Variants in MYH9 observed in about 807,000 individuals in gnomAD.
MYH9 encodes the protein myosin heavy chain 9.
MYH9 carries 29 observed loss-of-function variants against 241.9 expected under a neutral mutation model. The observed-to-expected ratio is 0.12, with a 90% CI of 0.09 to 0.16. The LOEUF is 0.16. MYH9 is among the 10% of genes least tolerant of loss of function. MYH9 has a pLI of 1.00. For synonymous variants in MYH9, 1,047 were observed against 1,062.6 expected (o/e 0.99, Z 0.29); for missense variants, 1,803 against 2,595.5 (o/e 0.69, Z 6.63).
chr22:36,313,669 G>T (rs983098579), intron 13 of MYH9, among the ~76,000 whole-genome samples: 2 of 39,256 alleles, frequency 5.1e-5, no homozygotes, highest in Non-Finnish European at 1.4e-4. Context: ...TGGTTTTATG[G>T]GGGGGATGAG....
intron 11 of MYH9, among the ~76,000 whole-genome samples, chr22:36,317,053 A>G (rs5995280): frequency 0.1 from 7,430 of 70,936 alleles, 583 homozygotes; most frequent in African/African-American, 0.26. Flanking sequence ...AAACGCGCCC[A>G]ATCTCATCAA....
chr22:36,286,069 C>T, intron 35 of MYH9, 116 bp from the exon 36 acceptor site: 1 of 1,109,656 alleles, frequency 9.0e-7, no homozygotes, highest in Admixed American at 1.9e-5. Context: ...CCCCACGAAG[C>T]CCTTCCTCCA....
At chr22:36,370,039 C>A (rs2018066632) in intron 1 of MYH9, among the ~76,000 whole-genome samples, 1 of 152,206 alleles carries the variant, frequency 6.6e-6, no homozygotes, top group African/African-American at 2.4e-5. Flanking sequence ...TCACCTGGCA[C>A]TGTGCCAGAT....
At chr22:36,314,085 G>A (rs1158012784) in intron 13 of MYH9, 60 bp downstream of exon 13, 5 of 1,561,752 alleles carry the variant, frequency 3.2e-6, no homozygotes, top group Non-Finnish European at 4.4e-6. Flanking sequence ...GTGAGGAGCG[G>A]GTGCCCCGGA....
At position 36,294,153 on chromosome 22, in the gene MYH9, A is replaced by G; in HGVS notation, c.3776T>C (p.Val1259Ala). The G allele has an allele frequency of 6.2e-7, 1 of 1,613,002 alleles. No individual in the cohort carries two copies. The highest frequency in any genetic ancestry group is 8.5e-7 in the Non-Finnish European group (1 of 1,180,004). Reference protein sequence around the residue: ...KVEAQLQELQVKFNEGERVRT... With the variant: ...KVEAQLQELQAKFNEGERVRT... ...CACGCGCTCTCCCTCGTTGAACTTG[A>G]CCTGCAGCTCCTGCAGCTGCGCCTC... The change falls in exon 28 of 41, where the codon GTC (valine) becomes GCC (alanine). Residue 1259 changes from valine to alanine, a missense_variant. Physicochemically the swap from Val to Ala is moderately conservative, Grantham distance 64. Around this residue, in one of 11 missense-constraint regions of MYH9, gnomAD observed 876 missense variants for 1,077.8 expected, o/e 0.81. Coordinates refer to ENST00000216181, the MANE Select transcript of MYH9 (RefSeq NM_002473.6).
intron 5 of MYH9, chr22:36,325,142 C>T (rs749021434): frequency 9.2e-6 from 7 of 759,956 alleles, no homozygotes; most frequent in South Asian, 4.2e-5. Context: ...AATGGAAAAT[C>T]GGGGGTAGGG....
At chr22:36,355,060 C>A (rs2017834861) in intron 1 of MYH9, among the ~76,000 whole-genome samples, 1 of 149,856 alleles carries the variant, frequency 6.7e-6, no homozygotes, top group Non-Finnish European at 1.5e-5. Flanking sequence ...GGCAGGCCAG[C>A]AAGAGGTTCA....
chr22:36,382,536 C>T (rs1332810521), intron 1 of MYH9, among the ~76,000 whole-genome samples: 1 of 151,110 alleles, frequency 6.6e-6, no homozygotes, highest in African/African-American at 2.4e-5. Context: ...GGTGTGGTGG[C>T]TCATGCCTAT....
At chr22:36,364,550 T>C (rs1311075813) in intron 1 of MYH9, among the ~76,000 whole-genome samples, 1 of 152,198 alleles carries the variant, frequency 6.6e-6, no homozygotes, top group Non-Finnish European at 1.5e-5. Context: ...CCACCCACAA[T>C]GGGCCATAGC....
intron 1 of MYH9, among the ~76,000 whole-genome samples, chr22:36,376,258 G>A (rs935486382): frequency 6.6e-6 from 1 of 152,056 alleles, no homozygotes; most frequent in African/African-American, 2.4e-5. Flanking sequence ...ACCGTGTCCG[G>A]CCAGTAAACT....
chr22:36,288,606 T>C lies in MYH9; in HGVS notation c.4770+121A>G. On this transcript the variant is annotated intron_variant, in intron 33 of 40. Transcript: ENST00000216181. This position sits in a 1 kb window ranked among gnomAD's most constrained non-coding sequence, Gnocchi z 4.8. Reference sequence around the variant, plus strand: ...GAGACAGGAGGCTAGAAAGAAGGAATATGGGAGGGGAGGCGTGGTCAAGGG... The same window carrying C: ...GAGACAGGAGGCTAGAAAGAAGGAACATGGGAGGGGAGGCGTGGTCAAGGG... 8 of 1,342,900 alleles carry C rather than the reference T, an allele frequency of 6.0e-6. No homozygotes were observed. The highest frequency in any genetic ancestry group is 4.7e-5 in the South Asian group (4 of 85,028). The allele number at this position is 1,342,900 out of a possible 1,614,324, so 83.2% of individuals were successfully genotyped here.
At chr22:36,346,577 G>A (rs560373132) in intron 2 of MYH9, among the ~76,000 whole-genome samples, 2 of 152,120 alleles carry the variant, frequency 1.3e-5, no homozygotes, top group Non-Finnish European at 2.9e-5. Context: ...CTTCCCATCT[G>A]TAAAGTGGGA....
intron 1 of MYH9, among the ~76,000 whole-genome samples, chr22:36,386,734 G>T (rs1004697167): frequency 3.3e-5 from 5 of 152,342 alleles, no homozygotes; most frequent in South Asian, 2.1e-4. Flanking sequence ...CAGCCGGCAA[G>T]CTAGTGCTGG....
chr22:36,326,822 C>T (rs2017343268), intron 4 of MYH9, among the ~76,000 whole-genome samples, 161 bp from the exon 5 acceptor site: 1 of 152,206 alleles, frequency 6.6e-6, no homozygotes, highest in East Asian at 1.9e-4. Context: ...CTCTGGAATC[C>T]TCAGGCAGTT....
At chr22:36,328,110 G>A (rs986843729) in intron 3 of MYH9, among the ~76,000 whole-genome samples, 2 of 152,236 alleles carry the variant, frequency 1.3e-5, no homozygotes, top group African/African-American at 4.8e-5. Flanking sequence ...ACACCAGCAC[G>A]GTGTCTGGCA....
At chr22:36,308,138 C>T (rs1158520895) in intron 15 of MYH9, among the ~76,000 whole-genome samples, 1 of 152,162 alleles carries the variant, frequency 6.6e-6, no homozygotes, top group African/African-American at 2.4e-5. Flanking sequence ...TTCAGGTGCA[C>T]AGACACAGCA....
At position 36,320,030 on chromosome 22, in the gene MYH9, G is replaced by A. The variant is rs2146362945; in HGVS notation, c.1012+190C>T. On this transcript the variant is annotated intron_variant, in intron 9 of 40. Coordinates refer to ENST00000216181, the MANE Select transcript of MYH9 (RefSeq NM_002473.6). This position sits in a 1 kb window ranked among gnomAD's most constrained non-coding sequence, Gnocchi z 4.8. Reference sequence around the variant, plus strand: ...TCCTTTGCACCCTTTCTGAATGCCTGTGGTACCACCAGGAACAAATAACCT... The same window carrying A: ...TCCTTTGCACCCTTTCTGAATGCCTATGGTACCACCAGGAACAAATAACCT... 6.6e-6 allele frequency among the ~76,000 whole-genome samples: 1 copy of A among 152,336 alleles called. No individual in the cohort carries two copies. Among genetic ancestry groups the A allele is most frequent in the East Asian group, 1.9e-4 (1 of 5,192 alleles).
intron 14 of MYH9, among the ~76,000 whole-genome samples, chr22:36,311,575 T>C (rs2017064364): frequency 6.6e-6 from 1 of 152,184 alleles, no homozygotes; most frequent in Non-Finnish European, 1.5e-5. Context: ...GGAGCACTGA[T>C]TCATGCCACA....
chr22:36,304,236 G>C, intron 18 of MYH9, 81 bp from the exon 19 acceptor site: 1 of 1,451,594 alleles, frequency 6.9e-7, no homozygotes, highest in Non-Finnish European at 9.7e-7. Flanking sequence ...ACAGCTGGAG[G>C]TGTGCCCTTC....
Sources: allele counts gnomAD v4.1 joint callset (sites outside exome capture counted in the v4.1 genomes callset), GRCh38; gene constraint gnomAD v4.1.1; regional missense constraint gnomAD v4.1.1; non-coding constraint Gnocchi (gnomAD v3.1); transcripts MANE v1.5; gene names NCBI Gene and HGNC (gene_info 2026-07-23, HGNC 2026-07-21).